The following LAMA4 variants were observed in gnomAD, a reference collection of about 807,000 sequenced individuals.
LAMA4 encodes the protein laminin subunit alpha 4, also known as laminin subunit alpha-4.
In LAMA4, 127 loss-of-function variants were observed where a neutral mutation model predicts 207.1. The ratio of observed to expected loss-of-function variants is 0.61; its 90% CI spans 0.53 to 0.71. The LOEUF (loss-of-function observed/expected upper bound fraction) is 0.71, where lower values mean the gene tolerates loss of function less well. LAMA4 is among the 30% of genes least tolerant of loss of function. The pLI, the probability that LAMA4 is intolerant of heterozygous loss-of-function variation, is 0.00. For synonymous variants in LAMA4, 761 were observed against 816.0 expected (o/e 0.93, Z 1.15); for missense variants, 2,093 against 2,246.5 (o/e 0.93, Z 1.38).
chr6:112,165,295 A>G lies in LAMA4; in HGVS notation c.1552-19T>C. On this transcript the variant is annotated intron_variant, in intron 12 of 38. Coordinates refer to ENST00000230538, the MANE Select transcript of LAMA4 (RefSeq NM_001105206.3). ...GTTGTTTCTGCGGGAAGGAAGAGTAAGGGAGAGTGAAGTGAATATGTCTTT... is the reference window on the plus strand; with the variant it reads ...GTTGTTTCTGCGGGAAGGAAGAGTAGGGGAGAGTGAAGTGAATATGTCTTT... The G allele has an allele frequency of 6.7e-7, 1 of 1,488,548 alleles. No individual in the cohort carries two copies. Among genetic ancestry groups the G allele is most frequent in the Non-Finnish European group, 9.4e-7 (1 of 1,065,594 alleles). 92.2% of individuals were successfully genotyped at this position (1,488,548 alleles called of 1,614,324 possible). A position where few individuals can be genotyped will look rare whatever the true frequency, so the allele number is the denominator to read the frequency against.
At chr6:112,210,322 G>C (rs1554356045) in intron 3 of LAMA4, among the ~76,000 whole-genome samples, 1 of 152,014 alleles carries the variant, frequency 6.6e-6, no homozygotes, top group Non-Finnish European at 1.5e-5. Flanking sequence ...AGCAGTGTTA[G>C]AATGGATTAA....
chr6:112,179,530 G>A (rs1193762125), intron 9 of LAMA4: 1 of 152,280 alleles, frequency 6.6e-6, no homozygotes, highest in Non-Finnish European at 1.5e-5. Flanking sequence ...AGGAGCTGTG[G>A]GGTGATCTGC....
At chr6:112,207,211 G>A in intron 3 of LAMA4, 66 bp from the exon 4 acceptor site, 1 of 1,565,704 alleles carries the variant, frequency 6.4e-7, no homozygotes, top group Non-Finnish European at 8.8e-7. Flanking sequence ...GCACATCTAA[G>A]CATCATGCAA....
chr6:112,223,344 G>C (rs1018655415), intron 2 of LAMA4, among the ~76,000 whole-genome samples: 10 of 152,204 alleles, frequency 6.6e-5, no homozygotes, highest in Non-Finnish European at 1.2e-4. Context: ...AGGGGATTTT[G>C]ATTTGACTCC....
chr6:112,138,346 G>GGTGTC (rs1397386664), intron 24 of LAMA4, among the ~76,000 whole-genome samples: 14 of 152,190 alleles, frequency 9.2e-5, no homozygotes, highest in African/African-American at 3.1e-4. Context: ...ATTTTTGTGA[G>GGTGTC]GTGTCTTGTC....
Position 112,139,168 on chromosome 6 carries a change from T to C in LAMA4, c.3234A>G (p.Glu1078=), listed in dbSNP as rs1779530897. 1 of 1,614,142 alleles carries C rather than the reference T, an allele frequency of 6.2e-7. No homozygotes were observed. The highest frequency in any genetic ancestry group is 8.5e-7 in the Non-Finnish European group (1 of 1,179,992). The change falls in exon 24 of 39, where the codon GAA becomes GAG. Residue 1078 remains glutamate, a synonymous_variant. Coordinates refer to ENST00000230538, the MANE Select transcript of LAMA4 (RefSeq NM_001105206.3). ...GGCCGTTGTCAGCTGGTGTTCGAAC[T>C]TCTATGTCAAAGCGAGTCACCTGAC... ...KFGQVTRFDI[E]VRTPADNGLI...
rs144166846 is a variant in LAMA4, at chr6:112,146,902, C to T, written c.2353+1255G>A. On this transcript the variant is annotated intron_variant, in intron 18 of 38. Transcript: ENST00000230538. Reference sequence around the variant, plus strand: ...GTCTTTAAAAACTAGAGATAATATACTTAATGAATTATGTTAGATATTGAT... The same window carrying T: ...GTCTTTAAAAACTAGAGATAATATATTTAATGAATTATGTTAGATATTGAT... Among the ~76,000 whole-genome samples the T allele has an allele frequency of 7.9e-5, 12 of 152,218 alleles. No homozygotes were observed. The East Asian group carries it at 2.3e-3, about 29-fold the overall frequency.
chr6:112,201,784 A>G lies in LAMA4; in HGVS notation c.423-96T>C, dbSNP rs1231030462. 29 of 984,846 alleles carry G rather than the reference A, an allele frequency of 2.9e-5. No individual in the cohort carries two copies. In the South Asian group the frequency reaches 3.7e-4, roughly 13 times the overall value. The allele number at this position is 984,846 out of a possible 1,614,324, so 61.0% of individuals were successfully genotyped here. ...GATTACCTCTATGTTGGTCCCATTA[A>G]AGTTCTAATGGGTGCAATCATTTTC... On this transcript the variant is annotated intron_variant, in intron 4 of 38. Transcript: ENST00000230538.
At chr6:112,125,076 G>A (rs1413214099) in intron 31 of LAMA4, among the ~76,000 whole-genome samples, 1 of 152,154 alleles carries the variant, frequency 6.6e-6, no homozygotes, top group Non-Finnish European at 1.5e-5. Context: ...TCTAAGATAG[G>A]ATAGTATTGT....
At chr6:112,140,980 A>G in intron 21 of LAMA4, 58 bp from the exon 22 acceptor site, 3 of 1,466,642 alleles carry the variant, frequency 2.0e-6, no homozygotes, top group Non-Finnish European at 2.9e-6. Context: ...ATACTTTTTA[A>G]ATGTCAAAAT....
chr6:112,180,294 G>A (rs915574237), intron 9 of LAMA4, among the ~76,000 whole-genome samples: 2 of 152,290 alleles, frequency 1.3e-5, no homozygotes, highest in South Asian at 4.1e-4. Context: ...ACGCCAGAGG[G>A]CGCTAAGATA....
chr6:112,191,493 T>C, intron 6 of LAMA4, 143 bp downstream of exon 6: 2 of 697,590 alleles, frequency 2.9e-6, no homozygotes, highest in East Asian at 2.7e-5. Context: ...TTGGGATGCA[T>C]ATTCCTGAGA....
chr6:112,248,861 G>C (rs1562110868), intron 2 of LAMA4, among the ~76,000 whole-genome samples: 1 of 152,060 alleles, frequency 6.6e-6, no homozygotes, highest in Non-Finnish European at 1.5e-5. Context: ...AGCAGAGAAA[G>C]GAATATGAAA....
intron 16 of LAMA4, among the ~76,000 whole-genome samples, chr6:112,152,662 G>T (rs1780467031): frequency 6.6e-6 from 1 of 151,948 alleles, no homozygotes; most frequent in Admixed American, 6.6e-5. Flanking sequence ...GCACCCCTTT[G>T]CTGTTCTATT....
chr6:112,160,568 C>T (rs781944411), intron 13 of LAMA4, among the ~76,000 whole-genome samples: 5 of 152,220 alleles, frequency 3.3e-5, no homozygotes, highest in Non-Finnish European at 7.3e-5. Flanking sequence ...CAACACCTGG[C>T]CCCAAATCTC....
chr6:112,152,535 T>C (rs1207212100), intron 16 of LAMA4, among the ~76,000 whole-genome samples: 1 of 152,122 alleles, frequency 6.6e-6, no homozygotes, highest in East Asian at 1.9e-4. Context: ...CTGTTTGTGC[T>C]TTAATTCCAA....
intron 14 of LAMA4, among the ~76,000 whole-genome samples, chr6:112,156,718 C>T (rs1780738812): frequency 6.6e-6 from 1 of 152,118 alleles, no homozygotes; most frequent in Non-Finnish European, 1.5e-5. Context: ...ATTGCAGATC[C>T]CACACTGGCT....
Position 112,117,992 on chromosome 6 carries a change from A to C in LAMA4, c.4822-94T>G. 1.0e-6 allele frequency: 1 copy of C among 971,464 alleles called. No homozygotes were observed. Among genetic ancestry groups the C allele is most frequent in the Non-Finnish European group, 1.6e-6 (1 of 608,908 alleles). 60.2% of individuals were successfully genotyped at this position (971,464 alleles called of 1,614,324 possible). On this transcript the variant is annotated intron_variant, in intron 34 of 38. Coordinates refer to ENST00000230538, the MANE Select transcript of LAMA4 (RefSeq NM_001105206.3). This position sits in a 1 kb window ranked among gnomAD's most constrained non-coding sequence, Gnocchi z 4.5. ...GGGGGTTTGAGTCCTGAAGGAACCCACGTAATTCCTTGTTTCATTTATTTC... is the reference window on the plus strand; with the variant it reads ...GGGGGTTTGAGTCCTGAAGGAACCCCCGTAATTCCTTGTTTCATTTATTTC...
At chr6:112,163,474 A>G (rs1583766296) in intron 13 of LAMA4, among the ~76,000 whole-genome samples, 2 of 152,168 alleles carry the variant, frequency 1.3e-5, no homozygotes, top group South Asian at 4.1e-4. Context: ...TAGCCAGGGT[A>G]GAGGCCATGA....
Sources: allele counts gnomAD v4.1 joint callset (sites outside exome capture counted in the v4.1 genomes callset), GRCh38; gene constraint gnomAD v4.1.1; non-coding constraint Gnocchi (gnomAD v3.1); transcripts MANE v1.5; gene names NCBI Gene and HGNC (gene_info 2026-07-23, HGNC 2026-07-21).